PTPRT: variants seen among roughly 807,000 people sequenced by gnomAD.
The protein encoded by PTPRT is receptor-type tyrosine-protein phosphatase T.
A neutral mutation model predicts 176.8 loss-of-function variants in PTPRT; 56 were observed. That is an observed-to-expected ratio of 0.32 (90% confidence interval 0.26 to 0.40). PTPRT has a LOEUF of 0.40. Among genes scored for constraint, PTPRT ranks in the 10% least tolerant of loss-of-function variants. The pLI is 1.00. For synonymous variants in PTPRT, 783 were observed against 739.0 expected (o/e 1.06, Z -0.96); for missense variants, 1,540 against 1,908.2 (o/e 0.81, Z 3.60).
intron 10 of PTPRT, among the ~76,000 whole-genome samples, chr20:42,351,685 A>AATTCATTC (rs56938076): frequency 0.013 from 1,977 of 150,946 alleles, 20 homozygotes; most frequent in Non-Finnish European, 0.02. Flanking sequence ...CTATAATAGT[A>AATTCATTC]ATTCATTCAT....
intron 7 of PTPRT, among the ~76,000 whole-genome samples, chr20:42,543,891 A>G (rs2072626658): frequency 6.6e-6 from 1 of 152,132 alleles, no homozygotes; most frequent in South Asian, 2.1e-4. Flanking sequence ...TTAGAAATAA[A>G]TCTTTTATTT....
intron 1 of PTPRT, among the ~76,000 whole-genome samples, chr20:43,107,048 C>G (rs1045024751): frequency 1.3e-5 from 2 of 152,140 alleles, no homozygotes; most frequent in Non-Finnish European, 2.9e-5. Flanking sequence ...CCTCGGCCTC[C>G]CAAAGTGCTG....
chr20:42,135,534 C>T (rs1404338919), intron 18 of PTPRT, among the ~76,000 whole-genome samples: 1 of 152,100 alleles, frequency 6.6e-6, no homozygotes, highest in African/African-American at 2.4e-5. Context: ...AGTATACAGA[C>T]CAATGTTTAG....
chr20:43,084,340 G>A (rs578057242), intron 1 of PTPRT, among the ~76,000 whole-genome samples: 47 of 152,220 alleles, frequency 3.1e-4, no homozygotes, highest in Admixed American at 7.2e-4. Context: ...AGGTTTAATT[G>A]ACTCACAATT....
At chr20:42,665,008 C>A (rs1286576749) in intron 7 of PTPRT, among the ~76,000 whole-genome samples, 1 of 152,088 alleles carries the variant, frequency 6.6e-6, no homozygotes, top group African/African-American at 2.4e-5. Flanking sequence ...AGAAGAAAAC[C>A]TAGGCAATAC....
chr20:43,134,307 A>G (rs2013751506), intron 1 of PTPRT, among the ~76,000 whole-genome samples: 1 of 152,224 alleles, frequency 6.6e-6, no homozygotes, highest in Admixed American at 6.5e-5. Flanking sequence ...TCCTTGGCCC[A>G]TCTGTGTACT....
intron 6 of PTPRT, among the ~76,000 whole-genome samples, chr20:42,715,626 C>A (rs961364704): frequency 3.4e-4 from 51 of 152,130 alleles, no homozygotes; most frequent in African/African-American, 1.2e-3. Context: ...TACATATACA[C>A]AAATATTAAA....
chr20:42,301,308 G>T (rs1355424784), intron 12 of PTPRT, among the ~76,000 whole-genome samples: 1 of 152,090 alleles, frequency 6.6e-6, no homozygotes, highest in Non-Finnish European at 1.5e-5. Flanking sequence ...ATCTAATCTT[G>T]AGAAAACCTC....
chr20:42,614,946 TTA>T (rs1372196573), intron 7 of PTPRT, among the ~76,000 whole-genome samples: 2,351 of 142,314 alleles, frequency 0.017, 66 homozygotes, highest in African/African-American at 0.06. Context: ...TATTTTTTTT[TTA>T]ATTATACTTT....
At chr20:42,731,587 G>A (rs1233873178) in intron 6 of PTPRT, among the ~76,000 whole-genome samples, 3 of 152,226 alleles carry the variant, frequency 2.0e-5, no homozygotes, top group African/African-American at 7.2e-5. Context: ...TGAAGGTTGT[G>A]CGTCCACATT....
chr20:43,144,421 G>A (rs576026865), intron 1 of PTPRT, among the ~76,000 whole-genome samples: 2 of 152,170 alleles, frequency 1.3e-5, no homozygotes, highest in East Asian at 3.9e-4. Flanking sequence ...CTCAGATACA[G>A]CCACCTAATC....
chr20:42,983,994 A>C (rs1234214567), intron 1 of PTPRT, among the ~76,000 whole-genome samples: 1 of 152,186 alleles, frequency 6.6e-6, no homozygotes, highest in African/African-American at 2.4e-5. Context: ...CAGGTCTACC[A>C]TGCCCATTTG....
At chr20:43,117,685 A>T (rs952614646) in intron 1 of PTPRT, among the ~76,000 whole-genome samples, 3 of 152,220 alleles carry the variant, frequency 2.0e-5, no homozygotes, top group African/African-American at 4.8e-5. Flanking sequence ...AGTGCACTGT[A>T]GCGGCAAGAG....
chr20:42,493,778 C>T lies in PTPRT; in HGVS notation c.1154-21216G>A, dbSNP rs903668907. 5.9e-5 allele frequency among the ~76,000 whole-genome samples: 9 copies of T among 151,470 alleles called. 1 individual carries two copies. The highest frequency in any genetic ancestry group is 2.2e-4 in the African/African-American group (9 of 40,856). On this transcript the variant is annotated intron_variant, in intron 7 of 30. Transcript: ENST00000373187. ...GGGACTTCAGAAAGAAGTCTTCTGT[C>T]TTTCTTATTTGATTGAAATGTTCCT...
At chr20:42,504,531 T>C (rs535806035) in intron 7 of PTPRT, among the ~76,000 whole-genome samples, 2 of 152,142 alleles carry the variant, frequency 1.3e-5, no homozygotes, top group Non-Finnish European at 2.9e-5. Flanking sequence ...TTGCTTTCAG[T>C]CTAATTTATC....
In PTPRT at chr20:42,623,972, G is replaced by A. The variant is rs538969024; in HGVS notation, c.1153+53894C>T. Among the ~76,000 whole-genome samples the A allele has an allele frequency of 4.1e-5, 5 of 123,338 alleles. No individual in the cohort carries two copies. In the South Asian group the frequency reaches 1.2e-3, roughly 30 times the overall value. The allele number at this position is 123,338 out of a possible 152,430, so 80.9% of individuals were successfully genotyped here. A position where few individuals can be genotyped will look rare whatever the true frequency, so the allele number is the denominator to read the frequency against. On this transcript the variant is annotated intron_variant, in intron 7 of 30. Transcript: ENST00000373187. ...CCTGAGCTCATACCCTGCCACACCTGCCCCAGCCCCACGAAGGAAAACAAA... is the reference window on the plus strand; with the variant it reads ...CCTGAGCTCATACCCTGCCACACCTACCCCAGCCCCACGAAGGAAAACAAA...
intron 7 of PTPRT, among the ~76,000 whole-genome samples, chr20:42,666,767 T>C (rs1203686607): frequency 1.3e-5 from 2 of 152,242 alleles, no homozygotes; most frequent in Admixed American, 6.5e-5. Context: ...TAAGTGTTTA[T>C]ACTGTAATTA....
chr20:42,776,309 C>A (rs2077134689), intron 4 of PTPRT, among the ~76,000 whole-genome samples: 1 of 152,180 alleles, frequency 6.6e-6, no homozygotes, highest in Admixed American at 6.5e-5. Flanking sequence ...CCCCAACCCC[C>A]AGTATCTCAA....
At chr20:43,034,199 T>C (rs1263706297) in intron 1 of PTPRT, among the ~76,000 whole-genome samples, 1 of 152,156 alleles carries the variant, frequency 6.6e-6, no homozygotes, top group Non-Finnish European at 1.5e-5. Flanking sequence ...ACAAAAGTGA[T>C]TTCCTCAGGC....
Sources: gnomAD v4.1 joint callset for allele counts (sites outside exome capture counted in the v4.1 genomes callset) on GRCh38, gnomAD v4.1.1 for gene constraint, MANE v1.5 for transcripts, NCBI Gene and HGNC (gene_info 2026-07-23, HGNC 2026-07-21) for gene names.